PDE10A: variants seen among roughly 807,000 people sequenced by gnomAD.
The protein encoded by PDE10A is phosphodiesterase 10A, also known as cAMP and cAMP-inhibited cGMP 3',5'-cyclic phosphodiesterase 10A.
PDE10A carries 39 observed loss-of-function variants against 97.7 expected under a neutral mutation model. The observed-to-expected ratio is 0.40, with a 90% CI of 0.31 to 0.52. The LOEUF is 0.52. PDE10A is among the 20% of genes least tolerant of loss of function. PDE10A has a pLI of 0.56. For missense variants in PDE10A, 731 were observed against 1,047.8 expected (o/e 0.70, Z 4.17); for synonymous variants, 371 against 376.8 (o/e 0.98, Z 0.18).
At position 165,555,108 on chromosome 6, in the gene PDE10A, C is replaced by G. The variant is rs376179907; in HGVS notation, c.866-11540G>C. On this transcript the variant is annotated intron_variant, in intron 1 of 21. Coordinates refer to ENST00000539869, the MANE Select transcript of PDE10A (RefSeq NM_001385079.1). ...AGTGAATAAGACCTACTGTTTGATA[C>G]CACATTAGGGTGACTATAGTCAATA... is the stretch of plus-strand genomic sequence containing the variant. 3.5e-4 allele frequency among the ~76,000 whole-genome samples: 54 copies of G among 152,172 alleles called. No individual in the cohort carries two copies. The South Asian group carries it at 0.01, about 29-fold the overall frequency.
At chr6:165,890,515 C>T (rs567336089) in intron 1 of PDE10A, among the ~76,000 whole-genome samples, 1 of 152,286 alleles carries the variant, frequency 6.6e-6, no homozygotes, top group Non-Finnish European at 1.5e-5. Flanking sequence ...CTGAGTTTGT[C>T]AGCACCGACT....
chr6:165,664,862 C>T (rs1417472592), upstream of PDE10A, among the ~76,000 whole-genome samples: 1 of 152,212 alleles, frequency 6.6e-6, no homozygotes, highest in Non-Finnish European at 1.5e-5. Flanking sequence ...TCTTTATTTG[C>T]ATTTTGGAGT....
intron 1 of PDE10A, among the ~76,000 whole-genome samples, chr6:165,679,551 G>T (rs1204640495): frequency 6.6e-6 from 1 of 152,198 alleles, no homozygotes; most frequent in African/African-American, 2.4e-5. Flanking sequence ...GGTCAGGCGT[G>T]CCTGGCCCCA....
intron 6 of PDE10A, among the ~76,000 whole-genome samples, chr6:165,433,954 T>C (rs537790834): frequency 1.4e-5 from 2 of 145,076 alleles, no homozygotes; most frequent in Admixed American, 1.4e-4. Context: ...GAGGCGGAGC[T>C]TGCAGTGAGC....
chr6:165,646,342 G>C (rs531267605), intron 1 of PDE10A, among the ~76,000 whole-genome samples: 7 of 152,124 alleles, frequency 4.6e-5, no homozygotes. Context: ...TATGTAAGGT[G>C]GGCAATTCAA....
intron 3 of PDE10A, among the ~76,000 whole-genome samples, chr6:165,474,869 T>C (rs983403913): frequency 6.6e-6 from 1 of 152,098 alleles, no homozygotes; most frequent in Non-Finnish European, 1.5e-5. Flanking sequence ...GTGCCTGACA[T>C]TGAGATCGAG....
At chr6:165,901,564 A>T (rs1250723714) in intron 1 of PDE10A, among the ~76,000 whole-genome samples, 1 of 152,150 alleles carries the variant, frequency 6.6e-6, no homozygotes, top group Admixed American at 6.5e-5. Flanking sequence ...GCACTTTGGG[A>T]AGCCGAGGCG....
chr6:165,761,520 G>A (rs1793250233), intron 1 of PDE10A, among the ~76,000 whole-genome samples: 1 of 152,042 alleles, frequency 6.6e-6, no homozygotes, highest in Admixed American at 6.5e-5. Flanking sequence ...CTTCATTTTT[G>A]CTTGATACAG....
At chr6:165,592,813 G>A (rs925220258) in intron 1 of PDE10A, among the ~76,000 whole-genome samples, 2 of 152,228 alleles carry the variant, frequency 1.3e-5, no homozygotes, top group Non-Finnish European at 2.9e-5. Flanking sequence ...GTGCTGGAGA[G>A]GATATGGAGA....
intron 2 of PDE10A, among the ~76,000 whole-genome samples, chr6:165,496,839 A>C (rs1293504686): frequency 6.6e-6 from 1 of 152,214 alleles, no homozygotes; most frequent in Non-Finnish European, 1.5e-5. Context: ...TCTTTGTCTA[A>C]CTATTAAATA....
At chr6:165,365,956 C>T (rs911801638) in intron 18 of PDE10A, among the ~76,000 whole-genome samples, 1 of 152,000 alleles carries the variant, frequency 6.6e-6, no homozygotes, top group Non-Finnish European at 1.5e-5. Context: ...AATTTTATTT[C>T]CTCAGCCTAT....
chr6:165,870,580 C>A (rs1290782790), intron 1 of PDE10A, among the ~76,000 whole-genome samples: 1 of 152,116 alleles, frequency 6.6e-6, no homozygotes, highest in African/African-American at 2.4e-5. Flanking sequence ...AATGACCATA[C>A]AATCCAGCAA....
intron 1 of PDE10A, among the ~76,000 whole-genome samples, chr6:165,723,853 T>TC (rs922175410): frequency 1.3e-5 from 2 of 151,732 alleles, no homozygotes; most frequent in Non-Finnish European, 2.9e-5. Context: ...AAAGGTGTTT[T>TC]TTTTTTTAAT....
chr6:165,837,173 C>A (rs1045833926), intron 1 of PDE10A, among the ~76,000 whole-genome samples: 10 of 150,926 alleles, frequency 6.6e-5, no homozygotes, highest in Non-Finnish European at 1.5e-4. Context: ...ACATTGTGCA[C>A]ATGTACCCTA....
At chr6:165,718,739 C>T (rs1792089742) in intron 1 of PDE10A, among the ~76,000 whole-genome samples, 2 of 152,060 alleles carry the variant, frequency 1.3e-5, no homozygotes, top group Admixed American at 1.3e-4. Flanking sequence ...AGGGAGTCAT[C>T]CCTCCACCCC....
chr6:165,600,411 G>A (rs1786874717), intron 1 of PDE10A, among the ~76,000 whole-genome samples: 2 of 152,186 alleles, frequency 1.3e-5, no homozygotes, highest in Admixed American at 1.3e-4. Flanking sequence ...TGAGAAAGTG[G>A]GTTGTCTTTT....
chr6:165,830,808 C>A (rs1312057933), intron 1 of PDE10A, among the ~76,000 whole-genome samples: 1 of 152,202 alleles, frequency 6.6e-6, no homozygotes. Flanking sequence ...ATAACACACG[C>A]TCTTTCAGAG....
At chr6:165,515,721 A>G (rs1484041541) in intron 2 of PDE10A, among the ~76,000 whole-genome samples, 1 of 151,930 alleles carries the variant, frequency 6.6e-6, no homozygotes, top group Non-Finnish European at 1.5e-5. Context: ...ACGGGGATTC[A>G]CCATGTTGAT....
intron 5 of PDE10A, among the ~76,000 whole-genome samples, chr6:165,437,915 G>A (rs533296214): frequency 4.9e-4 from 74 of 152,278 alleles, no homozygotes; most frequent in African/African-American, 1.5e-3. Context: ...TCAGTCACTG[G>A]TTAGAATCAC....
Sources: gnomAD v4.1 joint callset for allele counts (sites outside exome capture counted in the v4.1 genomes callset) on GRCh38, gnomAD v4.1.1 for gene constraint, MANE v1.5 for transcripts, NCBI Gene and HGNC (gene_info 2026-07-23, HGNC 2026-07-21) for gene names.